The following MCTP2 variants were observed in gnomAD, a reference collection of about 807,000 sequenced individuals.
MCTP2 encodes the protein multiple C2 and transmembrane domain containing 2.
In MCTP2, 132 loss-of-function variants were observed where a neutral mutation model predicts 111.6. That is an observed-to-expected ratio of 1.18 (90% CI 1.03 to 1.37). MCTP2 has a LOEUF of 1.37. Among genes scored for constraint, MCTP2 ranks in the 40% most tolerant of loss-of-function variants. MCTP2 has a pLI of 0.00. For synonymous variants in MCTP2, 395 were observed against 387.7 expected, an observed-to-expected ratio of 1.02 and a Z score of -0.22; for missense variants, 1,183 against 1,067.9, an observed-to-expected ratio of 1.11 and a Z score of -1.50.
intron 12 of MCTP2, among the ~76,000 whole-genome samples, chr15:94,381,497 G>A (rs2080134203): frequency 6.6e-6 from 1 of 152,188 alleles, no homozygotes; most frequent in Non-Finnish European, 1.5e-5. Context: ...GCTTGAGAGA[G>A]CGGGAGCCAC....
intron 2 of MCTP2, among the ~76,000 whole-genome samples, chr15:94,303,785 A>G (rs1190892285): frequency 6.6e-6 from 1 of 152,092 alleles, no homozygotes; most frequent in Non-Finnish European, 1.5e-5. Context: ...TTCAAGGCCT[A>G]GTGGAAACCT....
intron 20 of MCTP2, among the ~76,000 whole-genome samples, chr15:94,467,059 CTTTATAAATGA>C (rs2073402017): frequency 6.6e-6 from 1 of 151,944 alleles, no homozygotes; most frequent in South Asian, 2.1e-4. Flanking sequence ...TGCCATATAT[CTTTATAAATGA>C]TTTATATGTA....
chr15:94,440,453 A>G (rs1567712091), intron 18 of MCTP2, among the ~76,000 whole-genome samples, 155 bp downstream of exon 18: 1 of 152,198 alleles, frequency 6.6e-6, no homozygotes. Flanking sequence ...GTCTTCTATC[A>G]TGAATAATCT....
intron 7 of MCTP2, chr15:94,343,932 T>C (rs2077808493): frequency 6.6e-6 from 1 of 152,180 alleles, no homozygotes; most frequent in Admixed American, 6.5e-5. Context: ...CTTTATCTTG[T>C]GTAATTGTTA....
intron 19 of MCTP2, 128 bp downstream of exon 19, chr15:94,443,088 G>T (rs188816746): frequency 6.9e-5 from 39 of 564,888 alleles, no homozygotes; most frequent in Non-Finnish European, 6.9e-5. Flanking sequence ...TACCAGTATA[G>T]TAATATTATT....
intron 19 of MCTP2, among the ~76,000 whole-genome samples, chr15:94,453,167 A>G (rs553654854): frequency 2.0e-5 from 3 of 152,298 alleles, no homozygotes; most frequent in African/African-American, 7.2e-5. Flanking sequence ...TTAGACTTTC[A>G]ATTTAAGCTT....
intron 1 of MCTP2, among the ~76,000 whole-genome samples, chr15:94,268,778 C>CTTTT (rs68175885): frequency 7.2e-6 from 1 of 138,038 alleles, no homozygotes. Context: ...TCTACATTGA[C>CTTTT]TTTTTTTTTT....
intron 1 of MCTP2, among the ~76,000 whole-genome samples, chr15:94,285,804 T>C (rs1175969945): frequency 6.6e-6 from 1 of 152,106 alleles, no homozygotes; most frequent in African/African-American, 2.4e-5. Context: ...TTTCTAGGGG[T>C]CATACCCTGT....
intron 20 of MCTP2, 146 bp from the exon 21 acceptor site, chr15:94,470,185 ACT>A (rs2073798737): frequency 6.8e-6 from 4 of 592,492 alleles, no homozygotes; most frequent in African/African-American, 1.9e-5. Flanking sequence ...ATTTTGGCAG[ACT>A]CTCATCTTGA....
In MCTP2 at chr15:94,353,212, T is replaced by G. The variant is rs185292643; in HGVS notation, c.1006-2925T>G. On this transcript the variant is annotated intron_variant, in intron 8 of 22. Coordinates refer to ENST00000357742, the MANE Select transcript of MCTP2 (RefSeq NM_001385001.1). Reference sequence around the variant, plus strand: ...CGACTGAGATAGATAAAAGCTTTGATGGAAAGTGGATATTTCCCAGGGACA... The same window carrying G: ...CGACTGAGATAGATAAAAGCTTTGAGGGAAAGTGGATATTTCCCAGGGACA... 2.0e-3 allele frequency among the ~76,000 whole-genome samples: 306 copies of G among 152,294 alleles called. 2 individuals are homozygous for G. The highest frequency in any genetic ancestry group is 3.7e-3 in the Admixed American group (57 of 15,288).
chr15:94,293,749 C>T (rs903112760), intron 1 of MCTP2, among the ~76,000 whole-genome samples: 26 of 152,212 alleles, frequency 1.7e-4, no homozygotes, highest in African/African-American at 6.3e-4. Flanking sequence ...CTGGAATTCT[C>T]ATAATTGTTG....
chr15:94,275,786 T>C (rs1348043788), intron 1 of MCTP2, among the ~76,000 whole-genome samples: 1 of 151,280 alleles, frequency 6.6e-6, no homozygotes, highest in Non-Finnish European at 1.5e-5. Context: ...AGAAAAAACA[T>C]AGATGAAAAA....
intron 1 of MCTP2, chr15:94,278,025 A>C (rs558290406): frequency 1.6e-4 from 24 of 152,248 alleles, no homozygotes; most frequent in African/African-American, 5.8e-4. Context: ...AGTTCATTAC[A>C]AAAAAAGATA....
chr15:94,299,515 T>C (rs755661293), intron 2 of MCTP2, among the ~76,000 whole-genome samples: 2 of 152,234 alleles, frequency 1.3e-5, no homozygotes, highest in Non-Finnish European at 2.9e-5. Context: ...AACAAAACTT[T>C]AGTATTTCAA....
intron 1 of MCTP2, among the ~76,000 whole-genome samples, chr15:94,243,360 C>T (rs1416722294): frequency 1.4e-5 from 2 of 144,870 alleles, no homozygotes; most frequent in African/African-American, 5.1e-5. Flanking sequence ...CATACGTATG[C>T]GTATATGCGT....
At chr15:94,256,498 A>C (rs1254393927) in intron 1 of MCTP2, among the ~76,000 whole-genome samples, 2 of 152,196 alleles carry the variant, frequency 1.3e-5, no homozygotes, top group Non-Finnish European at 2.9e-5. Context: ...TCTCCTACAA[A>C]ATATGGGACT....
intron 1 of MCTP2, among the ~76,000 whole-genome samples, chr15:94,249,552 C>T (rs1375537557): frequency 6.6e-6 from 1 of 151,420 alleles, no homozygotes; most frequent in Non-Finnish European, 1.5e-5. Context: ...GTGGCGCGAT[C>T]TCAGCTCACT....
chr15:94,449,463 T>C (rs181947005), intron 19 of MCTP2, among the ~76,000 whole-genome samples: 1 of 152,354 alleles, frequency 6.6e-6, no homozygotes, highest in East Asian at 1.9e-4. Context: ...GCTCCGTTAT[T>C]GTGAAGGAAA....
intron 16 of MCTP2, among the ~76,000 whole-genome samples, chr15:94,400,896 C>T (rs2081552670): frequency 6.6e-6 from 1 of 152,110 alleles, no homozygotes; most frequent in African/African-American, 2.4e-5. Context: ...GGGAAGCCTC[C>T]AAATATTTCA....
Sources: allele counts gnomAD v4.1 joint callset (sites outside exome capture counted in the v4.1 genomes callset), GRCh38; gene constraint gnomAD v4.1.1; transcripts MANE v1.5; gene names NCBI Gene and HGNC (gene_info 2026-07-23, HGNC 2026-07-21).